The following CASP5 variants were observed in gnomAD, a reference collection of about 807,000 sequenced individuals.
CASP5 encodes caspase 5, also known as caspase-5.
CASP5 carries 42 observed loss-of-function variants against 45.2 expected under a neutral mutation model. The observed-to-expected ratio is 0.93, with a 90% CI of 0.73 to 1.20. The LOEUF is 1.20. Ranked by LOEUF, CASP5 falls within the 50% of genes most tolerant of loss-of-function variation. The pLI, the probability that CASP5 is intolerant of heterozygous loss-of-function variation, is 0.00. For missense variants in CASP5, 512 were observed against 532.2 expected, an observed-to-expected ratio of 0.96 and a Z score of 0.37; for synonymous variants, 209 against 186.2, an observed-to-expected ratio of 1.12 and a Z score of -1.00.
At chr11:104,999,173 T>A in intron 6 of CASP5, 145 bp from the exon 7 acceptor site, 1 of 653,606 alleles carries the variant, frequency 1.5e-6, no homozygotes, top group Non-Finnish European at 2.5e-6. Context: ...CCACATGCAT[T>A]AAGTATTTGT....
At chr11:105,009,350 CTG>C (rs1299771468) in intron 1 of CASP5, among the ~76,000 whole-genome samples, 1 of 151,854 alleles carries the variant, frequency 6.6e-6, no homozygotes, top group African/African-American at 2.4e-5. Context: ...CTTGTCTAGA[CTG>C]TAAATTATTC....
At chr11:105,010,446 C>T (rs1862291025) in intron 1 of CASP5, among the ~76,000 whole-genome samples, 1 of 133,338 alleles carries the variant, frequency 7.5e-6, no homozygotes, top group Non-Finnish European at 1.8e-5. Flanking sequence ...CAGTAATTAT[C>T]ATTATTATAC....
At chr11:105,005,658 G>A (rs1483546674) in intron 3 of CASP5, among the ~76,000 whole-genome samples, 1 of 152,140 alleles carries the variant, frequency 6.6e-6, no homozygotes, top group Non-Finnish European at 1.5e-5. Context: ...GGGATCTGCA[G>A]CTGCCTCCTT....
chr11:105,020,831 A>G (rs1290851956), intron 1 of CASP5, among the ~76,000 whole-genome samples: 1 of 152,236 alleles, frequency 6.6e-6, no homozygotes, highest in East Asian at 1.9e-4. Flanking sequence ...ATGGAACCAA[A>G]AAAGAGCCCG....
At chr11:105,015,908 A>G (rs1252329427) in intron 1 of CASP5, among the ~76,000 whole-genome samples, 1 of 152,250 alleles carries the variant, frequency 6.6e-6, no homozygotes. Context: ...AGTAAAATAC[A>G]GTAAACATTT....
rs144496984 is a variant in CASP5, at chr11:105,010,511, CATT to C, written c.8-1534_8-1532del. ...ACTGATATAATAAATCAGTAATTATCATTATTATTATTATATCATATCAGTAAT... is the reference window on the plus strand; with the variant it reads ...ACTGATATAATAAATCAGTAATTATCATTATTATTATATCATATCAGTAAT... On this transcript the variant is annotated intron_variant, in intron 1 of 9. Coordinates refer to ENST00000260315, the MANE Select transcript of CASP5 (RefSeq NM_004347.5). 5.5e-4 allele frequency among the ~76,000 whole-genome samples: 72 copies of C among 131,018 alleles called. 2 individuals carry two copies. The highest frequency in any genetic ancestry group is 9.2e-4 in the South Asian group (4 of 4,328). 86.0% of individuals were successfully genotyped at this position (131,018 alleles called of 152,430 possible).
chr11:105,013,924 T>C (rs1342189906), intron 1 of CASP5, among the ~76,000 whole-genome samples: 2 of 152,170 alleles, frequency 1.3e-5, no homozygotes, highest in African/African-American at 2.4e-5. Context: ...TCACACTGCA[T>C]TGATTTTATT....
chr11:105,001,837 C>T (rs750511806), intron 5 of CASP5, among the ~76,000 whole-genome samples, 191 bp downstream of exon 5: 4 of 152,066 alleles, frequency 2.6e-5, no homozygotes, highest in Non-Finnish European at 5.9e-5. Context: ...GTATTTGAGG[C>T]TCAAAAGAGA....
chr11:105,019,022 C>T (rs1316732954), intron 1 of CASP5, among the ~76,000 whole-genome samples: 16 of 142,852 alleles, frequency 1.1e-4, no homozygotes, highest in Middle Eastern at 3.5e-3. Flanking sequence ...CACTCAACTA[C>T]ATGGAAACTG....
intron 1 of CASP5, among the ~76,000 whole-genome samples, chr11:105,018,887 T>C (rs1399607117): frequency 2.6e-4 from 38 of 147,968 alleles, no homozygotes; most frequent in African/African-American, 8.8e-4. Flanking sequence ...TATTCCAAAA[T>C]TGACCACATA....
At chr11:104,998,755 G>T in intron 7 of CASP5, 130 bp downstream of exon 7, 2 of 867,202 alleles carry the variant, frequency 2.3e-6, no homozygotes, top group African/African-American at 1.7e-5. Context: ...ATAAGATCAT[G>T]CAAAATATAT....
intron 3 of CASP5, among the ~76,000 whole-genome samples, chr11:105,006,169 C>T (rs1480083082): frequency 2.6e-5 from 4 of 152,052 alleles, no homozygotes; most frequent in African/African-American, 4.8e-5. Context: ...TAATTCAATC[C>T]GTGTCAAAAG....
intron 5 of CASP5, among the ~76,000 whole-genome samples, chr11:105,000,857 A>G (rs1394701578): frequency 6.6e-6 from 1 of 152,172 alleles, no homozygotes; most frequent in Non-Finnish European, 1.5e-5. Context: ...AAAACCCAAC[A>G]TACGTTGCTT....
At chr11:105,013,514 C>T (rs518816) in intron 1 of CASP5, among the ~76,000 whole-genome samples, 23,103 of 151,872 alleles carry the variant, frequency 0.15, 2,016 homozygotes, top group Admixed American at 0.25. Flanking sequence ...TACATAAGTA[C>T]ATAAAATATT....
At chr11:105,018,690 C>CCA (rs2134761187) in intron 1 of CASP5, among the ~76,000 whole-genome samples, 2 of 145,322 alleles carry the variant, frequency 1.4e-5, no homozygotes, top group East Asian at 3.9e-4. Context: ...ACTTAGACTC[C>CCA]CACACATTAA....
chr11:105,016,485 G>T (rs1862602403), intron 1 of CASP5, among the ~76,000 whole-genome samples: 3 of 152,202 alleles, frequency 2.0e-5, no homozygotes, highest in Admixed American at 6.5e-5. Flanking sequence ...GCGAGGCATT[G>T]CCTCACTCGG....
rs1356082487 is a variant in CASP5 at position 104,999,212 on chromosome 11, AC to A, written c.953-185del. 9.2e-5 allele frequency among the ~76,000 whole-genome samples: 14 copies of A among 151,588 alleles called. No homozygotes were observed. In the South Asian group the frequency reaches 2.3e-3, roughly 25 times the overall value. Reference sequence around the variant, plus strand: ...AAGGCTCTCCTTCCCCTTGTCGCCCACCCCCCGACTGGCCCCGGTGTGTGAT... The same window carrying A: ...AAGGCTCTCCTTCCCCTTGTCGCCCACCCCCGACTGGCCCCGGTGTGTGAT... On this transcript the variant is annotated intron_variant, in intron 6 of 9. Coordinates refer to ENST00000260315, the MANE Select transcript of CASP5 (RefSeq NM_004347.5).
intron 1 of CASP5, among the ~76,000 whole-genome samples, chr11:105,014,230 C>T (rs1031150414): frequency 3.3e-5 from 5 of 152,050 alleles, no homozygotes; most frequent in African/African-American, 1.2e-4. Context: ...TCCAGTCTCC[C>T]ACCTTCTCCT....
rs767099412 is a variant in CASP5 at position 104,995,830 on chromosome 11, AT to A, written c.1218del (p.Phe407LeufsTer13). On this transcript the variant is annotated frameshift_variant, in exon 9 of 10. Transcript: ENST00000260315. LOFTEE classifies it high-confidence loss of function. ...LMEIFRKVQK[S>X]FEVPQAKAQM... The stretch of plus-strand genomic sequence containing the variant: ...TGGGCTTTAGCCTGTGGAACTTCAA[AT>A]GATTTCTGTACCTAAAAGAAAAAAC... The A allele has an allele frequency of 1.2e-5, 20 of 1,610,496 alleles. No individual in the cohort carries two copies. The highest frequency in any genetic ancestry group is 1.7e-5 in the Non-Finnish European group (20 of 1,177,092).
Sources: gnomAD v4.1 joint callset for allele counts (sites outside exome capture counted in the v4.1 genomes callset) on GRCh38, gnomAD v4.1.1 for gene constraint, MANE v1.5 for transcripts, NCBI Gene and HGNC (gene_info 2026-07-23, HGNC 2026-07-21) for gene names.